The following PIN4 variants were observed in gnomAD, a reference collection of about 807,000 sequenced individuals.
PIN4 encodes the protein peptidyl-prolyl cis-trans isomerase NIMA-interacting 4.
A neutral mutation model predicts 8.3 loss-of-function variants in PIN4; 3 were observed. The observed-to-expected ratio is 0.36, with a 90% CI of 0.16 to 0.93. The LOEUF is 0.93. Ranked by LOEUF, PIN4 falls within the 40% of genes least tolerant of loss-of-function variation. The pLI is 0.44. For synonymous variants in PIN4, 18 were observed against 32.5 expected (o/e 0.55, Z 1.52); for missense variants, 75 against 100.6 (o/e 0.75, Z 1.09).
chrX:72,262,232 A>G (rs148994444), intron 3 of PIN4, among the ~76,000 whole-genome samples: 8,192 of 112,179 alleles, frequency 0.073, 485 homozygotes, highest in East Asian at 0.48. Context: ...CGCTCTGCTG[A>G]GCACGTGGTT....
chrX:72,241,500 A>G (rs1340086103), intron 3 of PIN4, among the ~76,000 whole-genome samples: 1 of 112,301 alleles, frequency 8.9e-6, no homozygotes, highest in Non-Finnish European at 1.9e-5. Context: ...CTCCAGAACC[A>G]TAATAAATAC....
Position 72,196,870 on chromosome X carries a change from C to T in PIN4, c.203C>T (p.Ala68Val). 8.3e-7 allele frequency: 1 copy of T among 1,203,393 alleles called. No individual in the cohort carries two copies. Among genetic ancestry groups the T allele is most frequent in the Non-Finnish European group, 1.1e-6 (1 of 889,929 alleles). ...TCTGGGATGAGATTCAATGAAGTGG[C>T]CGCACAGTATAGTGAAGATAAAGCC... ...LKSGMRFNEV[A>V]AQYSEDKARQ... Residue 68 changes from alanine (A) to valine (V), a missense_variant, in exon 3 of 4, where the codon GCC becomes GTC. By Grantham distance (64) the Ala-to-Val change is moderately conservative. Coordinates refer to ENST00000373669, the MANE Select transcript of PIN4 (RefSeq NM_006223.4).
chrX:72,254,667 A>T (rs914796934), intron 3 of PIN4, among the ~76,000 whole-genome samples: 1 of 112,500 alleles, frequency 8.9e-6, no homozygotes, highest in South Asian at 3.6e-4. Flanking sequence ...GCTGATTTTA[A>T]AAACTTGAGA....
intron 1 of PIN4, among the ~76,000 whole-genome samples, chrX:72,184,251 G>C (rs888729961): frequency 1.8e-5 from 2 of 111,737 alleles, no homozygotes; most frequent in African/African-American, 6.5e-5. Flanking sequence ...AAGAAGTCTG[G>C]TGGCCTAGGT....
Position 72,241,801 on chromosome X carries a change from G to A in PIN4, c.313-20906G>A, listed in dbSNP as rs779065069. 6.1e-3 allele frequency among the ~76,000 whole-genome samples: 593 copies of A among 97,398 alleles called. 7 individuals are homozygous for A. Among genetic ancestry groups the A allele is most frequent in the African/African-American group, 0.024 (574 of 24,041 alleles). The allele number at this position is 97,398 out of a possible 115,157, so 84.6% of individuals were successfully genotyped here. A position where few individuals can be genotyped will look rare whatever the true frequency, so the allele number is the denominator to read the frequency against. On this transcript the variant is annotated intron_variant, in intron 3 of 3. Transcript: ENST00000423432. ...ATTGGCACTCCAGCCTGGGCAACAA[G>A]AGCGAAACTCCGTCTCAAAAAAAAA...
intron 3 of PIN4, among the ~76,000 whole-genome samples, chrX:72,220,929 TG>T (rs2042919576): frequency 2.7e-5 from 3 of 111,950 alleles, no homozygotes; most frequent in Non-Finnish European, 5.6e-5. Context: ...GAGGCTCTCT[TG>T]CAACCCAGGA....
At chrX:72,203,635 T>C (rs753418241) in intron 3 of PIN4, among the ~76,000 whole-genome samples, 12 of 111,902 alleles carry the variant, frequency 1.1e-4, no homozygotes, top group Non-Finnish European at 2.3e-4. Flanking sequence ...AACAGCTCAG[T>C]GTATTATAGT....
intron 2 of PIN4, among the ~76,000 whole-genome samples, chrX:72,188,656 G>A (rs2042716173): frequency 8.9e-6 from 1 of 112,055 alleles, no homozygotes; most frequent in East Asian, 2.8e-4. Flanking sequence ...ACCGTGCCTG[G>A]CGGCTTTAGC....
intron 3 of PIN4, among the ~76,000 whole-genome samples, chrX:72,214,689 A>G (rs2042877757): frequency 9.9e-6 from 1 of 100,712 alleles, no homozygotes; most frequent in South Asian, 4.4e-4. Flanking sequence ...AAAAAAAAAA[A>G]CAAAACAAAA....
At chrX:72,222,416 G>C (rs1280314165) in intron 3 of PIN4, among the ~76,000 whole-genome samples, 1 of 111,267 alleles carries the variant, frequency 9.0e-6, no homozygotes, top group Non-Finnish European at 1.9e-5. Flanking sequence ...AAATCCAGTG[G>C]CCAATGATGC....
At chrX:72,186,268 G>T (rs770493265) in intron 1 of PIN4, 193 bp from the exon 2 acceptor site, 4 of 474,182 alleles carry the variant, frequency 8.4e-6, no homozygotes, top group African/African-American at 4.9e-5. Flanking sequence ...CGTATTTTGT[G>T]TGGCCCAAGA....
intron 2 of PIN4, among the ~76,000 whole-genome samples, chrX:72,188,461 G>A (rs757854047): frequency 2.7e-5 from 3 of 111,000 alleles, no homozygotes; most frequent in South Asian, 3.8e-4. Context: ...AGGTTCAAGC[G>A]ATTGTCCTGC....
Position 72,245,316 on chromosome X carries a change from G to A in PIN4, c.313-17391G>A, listed in dbSNP as rs139538386. ...CTTTAGCAGCTAGGACTACAGACAT[G>A]TGCCACCACATCCACCTAATTTTTT... On this transcript the variant is annotated intron_variant, in intron 3 of 3. Coordinates refer to the PIN4 transcript ENST00000423432. 2.7e-5 allele frequency among the ~76,000 whole-genome samples: 3 copies of A among 109,132 alleles called. No homozygotes were observed. The East Asian group carries it at 8.7e-4, about 32-fold the overall frequency. The allele number at this position is 109,132 out of a possible 115,157, so 94.8% of individuals were successfully genotyped here.
intron 3 of PIN4, chrX:72,208,262 G>C: frequency 8.3e-7 from 1 of 1,211,593 alleles, no homozygotes; most frequent in South Asian, 1.8e-5. Flanking sequence ...CTCATTCCTG[G>C]AGTCCACTTG....
chrX:72,258,502 G>A (rs1241575996), intron 3 of PIN4, among the ~76,000 whole-genome samples: 26 of 111,238 alleles, frequency 2.3e-4, no homozygotes, highest in Admixed American at 2.3e-3. Flanking sequence ...GGCCTGAATC[G>A]CCCCAGCCCT....
chrX:72,232,905 C>A (rs2042993711), intron 3 of PIN4, among the ~76,000 whole-genome samples: 1 of 110,271 alleles, frequency 9.1e-6, no homozygotes, highest in African/African-American at 3.3e-5. Context: ...GAGTTCAAGA[C>A]CAGCCTGGGC....
At chrX:72,232,279 A>C (rs2147603775) in intron 3 of PIN4, among the ~76,000 whole-genome samples, 1 of 101,086 alleles carries the variant, frequency 9.9e-6, no homozygotes, top group African/African-American at 3.6e-5. Flanking sequence ...GTATTAAAAA[A>C]AAAAAAAAAA....
chrX:72,252,899 C>A (rs1169289536), intron 3 of PIN4, among the ~76,000 whole-genome samples: 7 of 111,845 alleles, frequency 6.3e-5, no homozygotes, highest in Non-Finnish European at 1.3e-4. Flanking sequence ...TTGAGCAAGT[C>A]ACCAAGAATC....
chrX:72,232,074 G>A (rs56741049), intron 3 of PIN4, among the ~76,000 whole-genome samples: 13,051 of 108,557 alleles, frequency 0.12, 1,038 homozygotes, highest in East Asian at 0.48. Flanking sequence ...GCGAGACCCT[G>A]TCTCTAAAAA....
Sources: allele counts gnomAD v4.1 joint callset (sites outside exome capture counted in the v4.1 genomes callset), GRCh38; gene constraint gnomAD v4.1.1; transcripts MANE v1.5; gene names NCBI Gene and HGNC (gene_info 2026-07-23, HGNC 2026-07-21).